Variants in GABPB2 observed in about 807,000 individuals in gnomAD.
GABPB2 encodes GA binding protein transcription factor subunit beta 2, also known as GA-binding protein subunit beta-2.
A neutral mutation model predicts 39.1 loss-of-function variants in GABPB2; 23 were observed. That is an observed-to-expected ratio of 0.59 (90% confidence interval 0.42 to 0.83). The LOEUF is 0.83. Among genes scored for constraint, GABPB2 ranks in the 40% least tolerant of loss-of-function variants. The pLI, the probability that GABPB2 is intolerant of heterozygous loss-of-function variation, is 0.00. For missense variants in GABPB2, 467 were observed against 541.1 expected (o/e 0.86, Z 1.36); for synonymous variants, 184 against 199.3 (o/e 0.92, Z 0.65).
chr1:151,114,894 C>T (rs1045747549), intron 7 of GABPB2, among the ~76,000 whole-genome samples: 1 of 151,700 alleles, frequency 6.6e-6, no homozygotes, highest in Non-Finnish European at 1.5e-5. Flanking sequence ...CCTGTAATCC[C>T]AGCTACTCGG....
At chr1:151,080,896 G>A (rs587615706) in intron 1 of GABPB2, among the ~76,000 whole-genome samples, 2 of 147,400 alleles carry the variant, frequency 1.4e-5, no homozygotes, top group African/African-American at 2.5e-5. Flanking sequence ...TTTTTGAGAC[G>A]GAGTCTCGCT....
chr1:151,074,874 T>C (rs1031303075), intron 1 of GABPB2, among the ~76,000 whole-genome samples: 2 of 152,092 alleles, frequency 1.3e-5, no homozygotes, highest in Non-Finnish European at 1.5e-5. Context: ...CTTAACTGAC[T>C]GGGCACAGTG....
intron 7 of GABPB2, among the ~76,000 whole-genome samples, chr1:151,110,592 C>T (rs1036989912): frequency 4.6e-5 from 7 of 152,002 alleles, no homozygotes; most frequent in African/African-American, 1.7e-4. Context: ...TCCCAAGTAG[C>T]TAGGACCACA....
intron 7 of GABPB2, among the ~76,000 whole-genome samples, chr1:151,109,354 A>ACACAAATG: frequency 8.7e-6 from 1 of 115,390 alleles, no homozygotes; most frequent in Non-Finnish European, 1.8e-5. Context: ...ATATATATAT[A>ACACAAATG]TATATATATA....
chr1:151,071,453 C>T lies in GABPB2; in HGVS notation c.-1+519C>T, dbSNP rs1450401825. 4.7e-4 allele frequency among the ~76,000 whole-genome samples: 47 copies of T among 100,504 alleles called. 1 individual carries two copies. The highest frequency in any genetic ancestry group is 0.011 in the Middle Eastern group (1 of 90). 65.9% of individuals were successfully genotyped at this position (100,504 alleles called of 152,430 possible). ...CGGGCCCCGCCTCTGCTTTTTTGCT[C>T]TTTTTTTTTTTTTTTTCAAAACTGA... On this transcript the variant is annotated intron_variant, in intron 1 of 8. Coordinates refer to ENST00000368918, the MANE Select transcript of GABPB2 (RefSeq NM_144618.3).
At chr1:151,081,176 A>G (rs1677659496) in intron 1 of GABPB2, among the ~76,000 whole-genome samples, 1 of 151,052 alleles carries the variant, frequency 6.6e-6, no homozygotes, top group African/African-American at 2.4e-5. Context: ...CCCGGCCAAC[A>G]TAAAACATTT....
chr1:151,072,450 G>A (rs1676809033), intron 1 of GABPB2, among the ~76,000 whole-genome samples: 2 of 152,086 alleles, frequency 1.3e-5, no homozygotes, highest in African/African-American at 4.8e-5. Flanking sequence ...CCAGCTACTC[G>A]GGAAACTGAG....
chr1:151,120,959 T>C lies in GABPB2; in HGVS notation c.*2703T>C, dbSNP rs1681161635. Reference sequence around the variant, plus strand: ...TCAGTAGAGACAGGGTTTCTCTATGTTGGTCAGGCTGGTCTGGAACTCCTG... The same window carrying C: ...TCAGTAGAGACAGGGTTTCTCTATGCTGGTCAGGCTGGTCTGGAACTCCTG... On this transcript the variant is annotated 3_prime_UTR_variant, in exon 9 of 9. Coordinates refer to ENST00000368918, the MANE Select transcript of GABPB2 (RefSeq NM_144618.3). 6.6e-6 allele frequency: 1 copy of C among 152,126 alleles called. No homozygotes were observed. The highest frequency in any genetic ancestry group is 1.5e-5 in the Non-Finnish European group (1 of 68,050). 9.4% of individuals were successfully genotyped at this position (152,126 alleles called of 1,614,324 possible). A position where few individuals can be genotyped will look rare whatever the true frequency, so the allele number is the denominator to read the frequency against.
In GABPB2 at chr1:151,122,393, T is replaced by A. The variant is rs1253610528; in HGVS notation, c.*4137T>A. The stretch of plus-strand genomic sequence containing the variant: ...TAATCTTTTCCTGTTTGCAATGTTT[T>A]TATTTTTTCTGAGTCCCTTTGGGAA... On this transcript the variant is annotated 3_prime_UTR_variant, in exon 9 of 9. Coordinates refer to ENST00000368918, the MANE Select transcript of GABPB2 (RefSeq NM_144618.3). 1 of 152,216 alleles carries A rather than the reference T, an allele frequency of 6.6e-6. No homozygotes were observed. Among genetic ancestry groups the A allele is most frequent in the Non-Finnish European group, 1.5e-5 (1 of 68,042 alleles). 9.4% of individuals were successfully genotyped at this position (152,216 alleles called of 1,614,324 possible).
chr1:151,109,364 A>ATATATATATATATATT (rs779537595), intron 7 of GABPB2, among the ~76,000 whole-genome samples: 19 of 112,372 alleles, frequency 1.7e-4, no homozygotes, highest in African/African-American at 6.1e-4. Context: ...ATATATATAT[A>ATATATATATATATATT]TTTTTTTTTT....
intron 6 of GABPB2, among the ~76,000 whole-genome samples, chr1:151,104,806 C>CT (rs1553266376): frequency 7.1e-6 from 1 of 140,176 alleles, no homozygotes; most frequent in Non-Finnish European, 1.6e-5. Flanking sequence ...TCTTTCTTTT[C>CT]TTTCTTTCCT....
At chr1:151,112,233 A>AC (rs1680498780) in intron 7 of GABPB2, 2 of 150,380 alleles carry the variant, frequency 1.3e-5, no homozygotes, top group African/African-American at 2.5e-5. Context: ...CAAAAAAAAA[A>AC]AAAAAAAAAA....
chr1:151,089,712 T>A (rs1021012848), intron 2 of GABPB2, among the ~76,000 whole-genome samples: 2 of 151,976 alleles, frequency 1.3e-5, no homozygotes, highest in Non-Finnish European at 2.9e-5. Context: ...CTGGTCTTGA[T>A]CTCTTGGGCT....
At chr1:151,097,126 G>A (rs1036587187) in intron 4 of GABPB2, among the ~76,000 whole-genome samples, 6 of 151,844 alleles carry the variant, frequency 4.0e-5, no homozygotes, top group African/African-American at 1.5e-4. Context: ...TGGCCAAGCT[G>A]GTCTCAAACT....
At chr1:151,109,365 T>TATATATATA (rs1491291362) in intron 7 of GABPB2, among the ~76,000 whole-genome samples, 1,628 of 68,958 alleles carry the variant, frequency 0.024, 40 homozygotes, top group African/African-American at 0.073. Context: ...TATATATATA[T>TATATATATA]TTTTTTTTTT....
chr1:151,087,687 G>A (rs750829972), intron 1 of GABPB2, among the ~76,000 whole-genome samples: 12 of 151,992 alleles, frequency 7.9e-5, no homozygotes, highest in Non-Finnish European at 1.8e-4. Flanking sequence ...AAACCTTGAT[G>A]TGTCCTGTTT....
intron 1 of GABPB2, among the ~76,000 whole-genome samples, chr1:151,075,317 C>T (rs587702614): frequency 1.3e-5 from 2 of 151,990 alleles, no homozygotes; most frequent in African/African-American, 4.8e-5. Flanking sequence ...GTAATCCCAG[C>T]ACTTTGGGAG....
intron 3 of GABPB2, among the ~76,000 whole-genome samples, chr1:151,091,676 A>G (rs1274767402): frequency 1.3e-5 from 2 of 151,136 alleles, no homozygotes; most frequent in Non-Finnish European, 2.9e-5. Flanking sequence ...ATGGGGTTTC[A>G]CTGTGTTGGC....
chr1:151,093,276 G>C lies in GABPB2; in HGVS notation c.361G>C (p.Glu121Gln). Reference sequence around the variant, plus strand: ...AGAGCGCCACCATCGAGATGTCGTAGAGTTACTTATCAAATATGGAGCTGA... The same window carrying C: ...AGAGCGCCACCATCGAGATGTCGTACAGTTACTTATCAAATATGGAGCTGA... ...ATERHHRDVV[E>Q]LLIKYGADVH... is the part of the protein sequence containing the mutation. Residue 121 changes from glutamate (E) to glutamine (Q), a missense_variant, in exon 4 of 9, where the codon GAG (glutamate) becomes CAG (glutamine). Transcript: ENST00000368918. The C allele has an allele frequency of 6.2e-7, 1 of 1,613,428 alleles. No homozygotes were observed. Among genetic ancestry groups the C allele is most frequent in the Non-Finnish European group, 8.5e-7 (1 of 1,179,758 alleles).
Sources: gnomAD v4.1 joint callset for allele counts (sites outside exome capture counted in the v4.1 genomes callset) on GRCh38, gnomAD v4.1.1 for gene constraint, MANE v1.5 for transcripts, NCBI Gene and HGNC (gene_info 2026-07-23, HGNC 2026-07-21) for gene names.